TAMALIN: variants seen among roughly 807,000 people sequenced by gnomAD.
TAMALIN encodes protein TAMALIN.
A neutral mutation model predicts 38.5 loss-of-function variants in TAMALIN; 9 were observed. The observed-to-expected ratio is 0.23, with a 90% CI of 0.14 to 0.41. The LOEUF is 0.41. Among genes scored for constraint, TAMALIN ranks in the 10% least tolerant of loss-of-function variants. The pLI, the probability that TAMALIN is intolerant of heterozygous loss-of-function variation, is 1.00. For missense variants in TAMALIN, 548 were observed against 554.1 expected (o/e 0.99, Z 0.11); for synonymous variants, 306 against 256.5 (o/e 1.19, Z -1.85).
chr12:52,013,647 G>T, intron 4 of TAMALIN, 40 bp from the exon 5 acceptor site: 1 of 1,573,086 alleles, frequency 6.4e-7, no homozygotes, highest in Non-Finnish European at 8.7e-7. Context: ...ATTCTAGCAT[G>T]CCCCATGGAG....
At chr12:52,010,008 A>G (rs1047634087) in intron 2 of TAMALIN, among the ~76,000 whole-genome samples, 1 of 152,208 alleles carries the variant, frequency 6.6e-6, no homozygotes, top group Non-Finnish European at 1.5e-5. Flanking sequence ...GACCCTTCCA[A>G]AAAACCCTAG....
In TAMALIN at chr12:52,007,365, C is replaced by T; in HGVS notation, c.246+100C>T. On this transcript the variant is annotated intron_variant, in intron 1 of 7. Transcript: ENST00000293662. This position sits in a 1 kb window ranked among gnomAD's most constrained non-coding sequence, Gnocchi z 6.7. Reference sequence around the variant, plus strand: ...GCCCTCTCCTCGGCGTCCGCGGAGTCCCCCACCTTCTTCCCCGGCCCGCTG... The same window carrying T: ...GCCCTCTCCTCGGCGTCCGCGGAGTTCCCCACCTTCTTCCCCGGCCCGCTG... 11 of 1,280,354 alleles carry T rather than the reference C, an allele frequency of 8.6e-6. No homozygotes were observed. The highest frequency in any genetic ancestry group is 1.1e-5 in the Non-Finnish European group (11 of 1,013,920). The allele number at this position is 1,280,354 out of a possible 1,614,324, so 79.3% of individuals were successfully genotyped here.
chr12:52,008,241 G>A (rs1233889141), intron 1 of TAMALIN: 4 of 985,240 alleles, frequency 4.1e-6, no homozygotes, highest in Non-Finnish European at 4.8e-6. Flanking sequence ...GGGAGGGTTA[G>A]CAAAGGCACA....
At position 52,007,683 on chromosome 12, in the gene TAMALIN, G is replaced by A. The variant is rs979344472; in HGVS notation, c.246+418G>A. The A allele has an allele frequency of 1.4e-5, 14 of 985,326 alleles. No homozygotes were observed. The highest frequency in any genetic ancestry group is 1.1e-4 in the East Asian group (1 of 8,816). 61.0% of individuals were successfully genotyped at this position (985,326 alleles called of 1,614,324 possible). Reference sequence around the variant, plus strand: ...AGCCCCCGGTGGGAGAAGCGGGCCGGTGGCTGCGCCGCGTGCGTTCTCACT... The same window carrying A: ...AGCCCCCGGTGGGAGAAGCGGGCCGATGGCTGCGCCGCGTGCGTTCTCACT... On this transcript the variant is annotated intron_variant, in intron 1 of 7. Coordinates refer to ENST00000293662, the MANE Select transcript of TAMALIN (RefSeq NM_181711.4). The surrounding 1 kb of genome is among the most constrained non-coding windows in gnomAD (Gnocchi z 6.7).
chr12:52,007,205 T>C lies in TAMALIN; in HGVS notation c.186T>C (p.Tyr62=), dbSNP rs1367335120. The part of the protein sequence containing the change: ...ADELYAALED[Y]HPAELYRALA... Reference sequence around the variant, plus strand: ...AGCTGTACGCGGCGCTGGAGGACTATCACCCTGCCGAGCTGTACCGCGCGC... The same window carrying C: ...AGCTGTACGCGGCGCTGGAGGACTACCACCCTGCCGAGCTGTACCGCGCGC... Residue 62 remains tyrosine (Y), a synonymous_variant, in exon 1 of 8, where the codon TAT becomes TAC. Coordinates refer to ENST00000293662, the MANE Select transcript of TAMALIN (RefSeq NM_181711.4). This position sits in a 1 kb window ranked among gnomAD's most constrained non-coding sequence, Gnocchi z 6.7. 1 of 1,522,384 alleles carries C rather than the reference T, an allele frequency of 6.6e-7. No individual in the cohort carries two copies. Among genetic ancestry groups the C allele is most frequent in the Non-Finnish European group, 8.7e-7 (1 of 1,146,524 alleles). The allele number at this position is 1,522,384 out of a possible 1,614,324, so 94.3% of individuals were successfully genotyped here.
chr12:52,014,372 T>C, intron 7 of TAMALIN, 171 bp downstream of exon 7: 1 of 660,124 alleles, frequency 1.5e-6, no homozygotes, highest in Non-Finnish European at 2.7e-6. Context: ...CAGCCACATT[T>C]CTGGTTATTC....
intron 2 of TAMALIN, 151 bp downstream of exon 2, chr12:52,009,390 T>G (rs59795307): frequency 0.039 from 28,553 of 724,256 alleles, 832 homozygotes; most frequent in South Asian, 0.099. Context: ...CAGGTGGGGG[T>G]GAGGGCTGTG....
At position 52,009,218 on chromosome 12, in the gene TAMALIN, G is replaced by C. The variant is rs1227058196; in HGVS notation, c.275G>C (p.Ser92Thr). The change falls in exon 2 of 8, where the codon AGC becomes ACC. Residue 92 changes from serine (S) to threonine (T), a missense_variant. Around this residue, in one of 3 missense-constraint regions of TAMALIN, gnomAD observed 415 missense variants for 417.0 expected, o/e 1.00. Coordinates refer to ENST00000293662, the MANE Select transcript of TAMALIN (RefSeq NM_181711.4). Reference protein sequence around the residue: ...KGSGFRWKNLSQSPEQQRKVL... With the variant: ...KGSGFRWKNLTQSPEQQRKVL... Reference sequence around the variant, plus strand: ...TCAGGATTCCGCTGGAAGAATCTCAGCCAGAGTCCTGAACAGCAGCGGTGA... The same window carrying C: ...TCAGGATTCCGCTGGAAGAATCTCACCCAGAGTCCTGAACAGCAGCGGTGA... 1 of 1,614,072 alleles carries C rather than the reference G, an allele frequency of 6.2e-7. No individual in the cohort carries two copies.
At chr12:52,013,299 G>C (rs906374204) in intron 4 of TAMALIN, among the ~76,000 whole-genome samples, 3 of 151,340 alleles carry the variant, frequency 2.0e-5, no homozygotes, top group East Asian at 1.9e-4. Context: ...GGATGGTCTC[G>C]ATCTCCTGAC....
Position 52,014,813 on chromosome 12 carries a change from C to A in TAMALIN, c.802C>A (p.Arg268Ser). The A allele has an allele frequency of 7.4e-7, 1 of 1,360,284 alleles. No individual in the cohort carries two copies. The allele number at this position is 1,360,284 out of a possible 1,614,324, so 84.3% of individuals were successfully genotyped here. The change falls in exon 8 of 8, where the codon CGT (arginine) becomes AGT (serine). Residue 268 changes from arginine to serine, a missense_variant. Arg to Ser is a moderately radical substitution (Grantham distance 110). Coordinates refer to ENST00000293662, the MANE Select transcript of TAMALIN (RefSeq NM_181711.4). ...PFGPLLAVPG[R>S]PRGGARRARG... ...CGGGCCTCTGCTCGCCGTGCCCGGG[C>A]GTCCCCGCGGAGGCGCCCGACGGGC...
chr12:52,013,784 T>C lies in TAMALIN; in HGVS notation c.548+4T>C. 6.2e-7 allele frequency: 1 copy of C among 1,614,004 alleles called. No individual in the cohort carries two copies. Among genetic ancestry groups the C allele is most frequent in the Non-Finnish European group, 8.5e-7 (1 of 1,179,838 alleles). ...AGGCGTCAGGCAATGTTCTCAGGTA[T>C]GTCTGGGAGCCGAGGTGCCTGAATT... is the stretch of plus-strand genomic sequence containing the variant. On this transcript the variant is annotated splice_donor_region_variant and intron_variant, in intron 5 of 7. Transcript: ENST00000293662.
At chr12:52,008,284 A>C in intron 1 of TAMALIN, 1 of 985,278 alleles carries the variant, frequency 1.0e-6, no homozygotes, top group Non-Finnish European at 1.2e-6. Flanking sequence ...GCAGGCTCCA[A>C]AGAAAAGGGC....
At chr12:52,010,770 C>G (rs2120835867) in intron 2 of TAMALIN, 111 bp from the exon 3 acceptor site, 2 of 1,180,788 alleles carry the variant, frequency 1.7e-6, no homozygotes, top group Non-Finnish European at 1.3e-6. Flanking sequence ...TCACTGGAGA[C>G]AGAGTCCTGC....
In TAMALIN at chr12:52,015,614, C is replaced by G. The variant is rs1592275314; in HGVS notation, c.*415C>G. On this transcript the variant is annotated 3_prime_UTR_variant, in exon 8 of 8. Coordinates refer to ENST00000293662, the MANE Select transcript of TAMALIN (RefSeq NM_181711.4). The stretch of plus-strand genomic sequence containing the variant: ...AGAAATGGCCCGTGGTGGGCTGACC[C>G]CCCACCCTCCACACACACAGTTCCA... 1 of 166,882 alleles carries G rather than the reference C, an allele frequency of 6.0e-6. No individual in the cohort carries two copies. Among genetic ancestry groups the G allele is most frequent in the Non-Finnish European group, 1.3e-5 (1 of 76,332 alleles). The allele number at this position is 166,882 out of a possible 1,614,324, so 10.3% of individuals were successfully genotyped here. A position where few individuals can be genotyped will look rare whatever the true frequency, so the allele number is the denominator to read the frequency against.
rs1019759536 is a variant in TAMALIN, at chr12:52,015,349, G to C, written c.*150G>C. The C allele has an allele frequency of 7.2e-6, 7 of 972,326 alleles. No individual in the cohort carries two copies. Among genetic ancestry groups the C allele is most frequent in the African/African-American group, 5.2e-5 (3 of 57,564 alleles). 60.2% of individuals were successfully genotyped at this position (972,326 alleles called of 1,614,324 possible). ...GGCCCGCCGGGTCGGTTCCTGGCTG[G>C]TGTCTGCTGAGGGAGTGGGGGGCCC... On this transcript the variant is annotated 3_prime_UTR_variant, in exon 8 of 8. Coordinates refer to ENST00000293662, the MANE Select transcript of TAMALIN (RefSeq NM_181711.4).
chr12:52,013,211 G>T (rs1171521865), intron 4 of TAMALIN, among the ~76,000 whole-genome samples: 1 of 148,784 alleles, frequency 6.7e-6, no homozygotes, highest in Admixed American at 6.7e-5. Context: ...CCGAGTAGCT[G>T]GGACTACAGG....
At chr12:52,008,522 GGA>G in intron 1 of TAMALIN, 4 of 985,198 alleles carry the variant, frequency 4.1e-6, no homozygotes, top group Non-Finnish European at 4.8e-6. Context: ...ATATGGCAAT[GGA>G]GAGAGAGACC....
chr12:52,015,151 C>A lies in TAMALIN; in HGVS notation c.1140C>A (p.Phe380Leu). The A allele has an allele frequency of 6.3e-7, 1 of 1,594,744 alleles. No individual in the cohort carries two copies. Among genetic ancestry groups the A allele is most frequent in the Non-Finnish European group, 8.5e-7 (1 of 1,178,378 alleles). The change falls in exon 8 of 8, where the codon TTC (phenylalanine) becomes TTA (leucine). Residue 380 changes from phenylalanine (F) to leucine (L), a missense_variant. By Grantham distance (22) the Phe-to-Leu change is conservative. Around this residue, in one of 3 missense-constraint regions of TAMALIN, gnomAD observed 415 missense variants for 417.0 expected, o/e 1.00. Transcript: ENST00000293662. Reference sequence around the variant, plus strand: ...GCTTCCGCCGGCGGCTGCTCAAGTTCATCCCCGGACTCAACCGCTCCCTGG... The same window carrying A: ...GCTTCCGCCGGCGGCTGCTCAAGTTAATCCCCGGACTCAACCGCTCCCTGG... ...YRSFRRRLLKFIPGLNRSLEE... is the reference protein window; with the variant it reads ...YRSFRRRLLKLIPGLNRSLEE...
At chr12:52,014,257 G>C (rs1468401154) in intron 7 of TAMALIN, 56 bp downstream of exon 7, 3 of 1,405,800 alleles carry the variant, frequency 2.1e-6, no homozygotes, top group East Asian at 4.9e-5. Flanking sequence ...CACCCCATCT[G>C]CGCTTCCCCC....
Sources: gnomAD v4.1 joint callset for allele counts (sites outside exome capture counted in the v4.1 genomes callset) on GRCh38, gnomAD v4.1.1 for gene constraint, gnomAD v4.1.1 regional missense constraint, Gnocchi (gnomAD v3.1) non-coding constraint, MANE v1.5 for transcripts, NCBI Gene and HGNC (gene_info 2026-07-23, HGNC 2026-07-21) for gene names.